The following FYB1 variants were observed in gnomAD, a reference collection of about 807,000 sequenced individuals.
The protein encoded by FYB1 is FYN-binding protein 1.
In FYB1, 41 loss-of-function variants were observed where a neutral mutation model predicts 94.1. The ratio of observed to expected loss-of-function variants is 0.44; its 90% CI spans 0.34 to 0.57. The LOEUF is 0.57. Among genes scored for constraint, FYB1 ranks in the 20% least tolerant of loss-of-function variants. The probability of loss-of-function intolerance (pLI) is 0.02; values close to 1 mark genes in which losing one functional copy is unlikely to be tolerated. For missense variants in FYB1, 1,050 were observed against 976.8 expected (o/e 1.07, Z -1.00); for synonymous variants, 367 against 353.2 (o/e 1.04, Z -0.44).
chr5:39,128,916 G>A (rs557395828), intron 10 of FYB1, among the ~76,000 whole-genome samples: 132 of 152,084 alleles, frequency 8.7e-4, no homozygotes, highest in African/African-American at 3.1e-3. Context: ...AGCAATTTAC[G>A]AATTTAATGT....
intron 10 of FYB1, among the ~76,000 whole-genome samples, chr5:39,128,476 T>C (rs1014122670): frequency 1.3e-5 from 2 of 152,104 alleles, no homozygotes; most frequent in African/African-American, 4.8e-5. Flanking sequence ...CCTTATTTTG[T>C]TGCTGGGAAA....
chr5:39,173,318 C>T (rs991928106), intron 2 of FYB1, among the ~76,000 whole-genome samples: 1 of 151,990 alleles, frequency 6.6e-6, no homozygotes, highest in African/African-American at 2.4e-5. Flanking sequence ...TTGATTTAAG[C>T]TCCTTGTAGA....
In FYB1 at chr5:39,108,258, C is replaced by T. The variant is rs1443516772; in HGVS notation, c.2440G>A (p.Gly814Arg). 1 of 1,527,160 alleles carries T rather than the reference C, an allele frequency of 6.5e-7. No individual in the cohort carries two copies. Among genetic ancestry groups the T allele is most frequent in the South Asian group, 1.2e-5 (1 of 82,456 alleles). 94.6% of individuals were successfully genotyped at this position (1,527,160 alleles called of 1,614,324 possible). A position where few individuals can be genotyped will look rare whatever the true frequency, so the allele number is the denominator to read the frequency against. ...TCAGCAATATCATCATAGATCTCTC[C>T]ATCACTGTAAATGTAAAAAAAAATT... ...VLRSYLADNDGEIYDDIADGC... is the reference protein window; with the variant it reads ...VLRSYLADNDREIYDDIADGC... Residue 814 changes from glycine (G) to arginine (R), a missense_variant, in exon 18 of 19, where the codon GGA becomes AGA. Transcript: ENST00000512982.
intron 1 of FYB1, among the ~76,000 whole-genome samples, chr5:39,218,628 T>C (rs569980444): frequency 3.5e-4 from 53 of 152,350 alleles, no homozygotes; most frequent in African/African-American, 1.2e-3. Context: ...AGTTCTATTA[T>C]TATCCCCATG....
intron 1 of FYB1, among the ~76,000 whole-genome samples, chr5:39,216,276 A>G (rs1167310782): frequency 6.6e-6 from 1 of 152,198 alleles, no homozygotes; most frequent in Non-Finnish European, 1.5e-5. Context: ...GTATAATACG[A>G]TTTTTAATAT....
chr5:39,215,567 G>A (rs893370027), intron 1 of FYB1, among the ~76,000 whole-genome samples: 4 of 152,182 alleles, frequency 2.6e-5, no homozygotes, highest in Non-Finnish European at 5.9e-5. Context: ...GGGTGCAAGG[G>A]GGAGGGTGTG....
intron 1 of FYB1, among the ~76,000 whole-genome samples, chr5:39,206,938 C>T (rs1039661426): frequency 1.5e-4 from 23 of 152,154 alleles, no homozygotes; most frequent in African/African-American, 5.6e-4. Flanking sequence ...GATATATGAT[C>T]AGCAACCCTT....
At position 39,110,406 on chromosome 5, in the gene FYB1, A is replaced by G. The variant is rs1738961049; in HGVS notation, c.2402-17T>C. 1 of 1,567,268 alleles carries G rather than the reference A, an allele frequency of 6.4e-7. No homozygotes were observed. Among genetic ancestry groups the G allele is most frequent in the Non-Finnish European group, 8.7e-7 (1 of 1,145,900 alleles). On this transcript the variant is annotated splice_polypyrimidine_tract_variant and intron_variant, in intron 16 of 18. Coordinates refer to ENST00000512982, the MANE Select transcript of FYB1 (RefSeq NM_001465.6). ...CATAACCATCTACGAAGGAAAAAGG[A>G]AATAAATTGTATCAATAATACAGGT...
intron 2 of FYB1, among the ~76,000 whole-genome samples, chr5:39,182,529 C>T (rs16868259): frequency 0.095 from 14,428 of 152,172 alleles, 1,926 homozygotes; most frequent in African/African-American, 0.3. Context: ...AGGTCATGCA[C>T]ATCATTTTAG....
intron 1 of FYB1, among the ~76,000 whole-genome samples, chr5:39,272,565 G>T (rs1186862593): frequency 1.3e-5 from 2 of 150,484 alleles, no homozygotes; most frequent in Non-Finnish European, 3.0e-5. Context: ...CCAGCTAGTC[G>T]GGAGGCTGAG....
chr5:39,147,697 C>CT (rs548956747), intron 3 of FYB1, among the ~76,000 whole-genome samples: 11,714 of 125,362 alleles, frequency 0.093, 671 homozygotes, highest in East Asian at 0.2. Context: ...TCCACCTTGT[C>CT]TTTTTTTTTT....
intron 16 of FYB1, among the ~76,000 whole-genome samples, chr5:39,115,327 T>C (rs1438565010): frequency 6.6e-6 from 1 of 152,050 alleles, no homozygotes; most frequent in Non-Finnish European, 1.5e-5. Flanking sequence ...ACTCCTGACC[T>C]AAAGTGATCC....
At position 39,259,553 on chromosome 5, in the gene FYB1, A is replaced by G. The variant is rs533045762; in HGVS notation, c.-28+14850T>C. Among the ~76,000 whole-genome samples, 131 of 152,346 alleles carry G rather than the reference A, an allele frequency of 8.6e-4. 3 individuals are homozygous for G. Among genetic ancestry groups the G allele is most frequent in the African/African-American group, 3.0e-3 (123 of 41,586 alleles). ...AACAAAGCCTCCTTGAAATTTGTCT[A>G]CAACATGAAATTCCATAACACAGGA... On this transcript the variant is annotated intron_variant, in intron 1 of 1. Transcript: ENST00000510188.
chr5:39,216,679 T>C (rs1201495900), intron 1 of FYB1, among the ~76,000 whole-genome samples: 1 of 152,192 alleles, frequency 6.6e-6, no homozygotes, highest in African/African-American at 2.4e-5. Context: ...AGAAAGACTG[T>C]TTCATGATTA....
chr5:39,107,612 T>G (rs535109171), intron 18 of FYB1, 147 bp from the exon 19 acceptor site: 2 of 454,454 alleles, frequency 4.4e-6, no homozygotes, highest in East Asian at 7.2e-5. Flanking sequence ...ATGAGTTAAA[T>G]GGAAGATCAT....
chr5:39,251,839 T>A (rs1467115135), intron 1 of FYB1, among the ~76,000 whole-genome samples: 1 of 151,744 alleles, frequency 6.6e-6, no homozygotes, highest in Non-Finnish European at 1.5e-5. Context: ...AAAGGTATGA[T>A]AAAGGTACAA....
At chr5:39,157,364 A>C (rs1186103588) in intron 2 of FYB1, among the ~76,000 whole-genome samples, 2 of 152,186 alleles carry the variant, frequency 1.3e-5, no homozygotes. Context: ...AGTTTAATGC[A>C]GGAAAGACCT....
At chr5:39,182,309 G>GCA (rs1268424049) in intron 2 of FYB1, among the ~76,000 whole-genome samples, 3 of 7,768 alleles carry the variant, frequency 3.9e-4, no homozygotes, top group Middle Eastern at 0.083. Flanking sequence ...GTGTGTGTGT[G>GCA]TGTGTGTGTG....
chr5:39,175,544 G>C (rs1324420917), intron 2 of FYB1, among the ~76,000 whole-genome samples: 2 of 152,176 alleles, frequency 1.3e-5, no homozygotes, highest in African/African-American at 2.4e-5. Flanking sequence ...TGTGAAAGCA[G>C]GTAGAAACGC....
Sources: gnomAD v4.1 joint callset for allele counts (sites outside exome capture counted in the v4.1 genomes callset) on GRCh38, gnomAD v4.1.1 for gene constraint, MANE v1.5 for transcripts, NCBI Gene and HGNC (gene_info 2026-07-23, HGNC 2026-07-21) for gene names.